SMARCAL1: variants seen among roughly 807,000 people sequenced by gnomAD.
SMARCAL1 encodes the protein ATP-driven annealing helicase.
Under a neutral mutation model 94.5 loss-of-function variants are expected in SMARCAL1, and 58 were observed. That is an observed-to-expected ratio of 0.61 (90% confidence interval 0.50 to 0.76). The LOEUF (loss-of-function observed/expected upper bound fraction) is 0.76. SMARCAL1 is among the 30% of genes least tolerant of loss of function. The probability of loss-of-function intolerance (pLI) is 0.00; values close to 1 mark genes in which losing one functional copy is unlikely to be tolerated. For synonymous variants in SMARCAL1, 422 were observed against 455.1 expected (o/e 0.93, Z 0.93); for missense variants, 1,051 against 1,177.9 (o/e 0.89, Z 1.58).
At chr2:216,451,128 G>T (rs1694442124) in intron 12 of SMARCAL1, 64 bp downstream of exon 12, 2 of 1,359,720 alleles carry the variant, frequency 1.5e-6, no homozygotes, top group Non-Finnish European at 2.1e-6. Context: ...TCCATGAGAG[G>T]CCCTTGAAAA....
At chr2:216,465,700 T>G (rs982888245) in intron 13 of SMARCAL1, among the ~76,000 whole-genome samples, 2 of 152,168 alleles carry the variant, frequency 1.3e-5, no homozygotes, top group Non-Finnish European at 2.9e-5. Context: ...TTTTTTTTTT[T>G]GTTTAACATT....
intron 14 of SMARCAL1, among the ~76,000 whole-genome samples, chr2:216,471,445 C>T (rs1157473012): frequency 6.6e-6 from 1 of 151,968 alleles, no homozygotes; most frequent in East Asian, 1.9e-4. Context: ...CAACCTTCGC[C>T]TCCTGGCTTC....
chr2:216,480,972 G>A (rs959128972), intron 17 of SMARCAL1, among the ~76,000 whole-genome samples: 2 of 152,156 alleles, frequency 1.3e-5, no homozygotes, highest in African/African-American at 4.8e-5. Flanking sequence ...AATCCATGCA[G>A]TACCAAGTGA....
Position 216,416,795 on chromosome 2 carries a change from C to T in SMARCAL1, c.862+488C>T, listed in dbSNP as rs112771557. ...AGGAAGGTAACAGTTCAGCAAACAG[C>T]ACAGATCCTCAGAGTACTCTCTGTG... On this transcript the variant is annotated intron_variant, in intron 4 of 17. Coordinates refer to ENST00000357276, the MANE Select transcript of SMARCAL1 (RefSeq NM_014140.4). Among the ~76,000 whole-genome samples the T allele has an allele frequency of 2.4e-3, 362 of 152,336 alleles. 4 individuals carry two copies. The highest frequency in any genetic ancestry group is 8.4e-3 in the African/African-American group (351 of 41,582).
At chr2:216,470,820 T>G (rs1694947578) in intron 14 of SMARCAL1, among the ~76,000 whole-genome samples, 1 of 119,440 alleles carries the variant, frequency 8.4e-6, no homozygotes, top group Non-Finnish European at 1.6e-5. Flanking sequence ...CTTTATACTG[T>G]TACTCCCAAG....
intron 17 of SMARCAL1, among the ~76,000 whole-genome samples, chr2:216,480,809 G>A (rs1484381425): frequency 1.3e-5 from 2 of 152,216 alleles, no homozygotes; most frequent in South Asian, 2.1e-4. Context: ...GGGAGCAACT[G>A]TAGACTTGAT....
chr2:216,434,843 A>C (rs1235687342), intron 8 of SMARCAL1, among the ~76,000 whole-genome samples: 2 of 134,542 alleles, frequency 1.5e-5, no homozygotes, highest in Admixed American at 7.9e-5. Flanking sequence ...AGACCAACAC[A>C]ACTCTCTATT....
intron 4 of SMARCAL1, among the ~76,000 whole-genome samples, chr2:216,417,563 T>C (rs938742123): frequency 3.9e-5 from 6 of 152,210 alleles, no homozygotes; most frequent in Non-Finnish European, 8.8e-5. Flanking sequence ...GTGACCTCAT[T>C]TAACTTATTA....
At position 216,415,401 on chromosome 2, in the gene SMARCAL1, G is replaced by C; in HGVS notation, c.697G>C (p.Gly233Arg). 1 of 1,614,236 alleles carries C rather than the reference G, an allele frequency of 6.2e-7. No homozygotes were observed. The highest frequency in any genetic ancestry group is 8.5e-7 in the Non-Finnish European group (1 of 1,180,044). ...GAAGTCAGGGTCCTCAGTCCAAAAA[G>C]GAGTGAACTCTCAGAAGGGAAAGTG... ...QQKSGSSVQK[G>R]VNSQKGKCVR... Residue 233 changes from glycine to arginine, a missense_variant, in exon 3 of 18, where the codon GGA becomes CGA. Gly to Arg is a moderately radical substitution (Grantham distance 125). Coordinates refer to ENST00000357276, the MANE Select transcript of SMARCAL1 (RefSeq NM_014140.4).
At chr2:216,431,054 A>G (rs528727909) in intron 7 of SMARCAL1, among the ~76,000 whole-genome samples, 1 of 152,308 alleles carries the variant, frequency 6.6e-6, no homozygotes, top group Admixed American at 6.5e-5. Context: ...GGGCTTTGGG[A>G]AGGGCTGCCC....
chr2:216,436,188 C>T (rs537244146), intron 9 of SMARCAL1, among the ~76,000 whole-genome samples: 3 of 152,310 alleles, frequency 2.0e-5, no homozygotes, highest in Admixed American at 6.5e-5. Context: ...AAGCTAGTCT[C>T]GAACTCCTGA....
rs1355588127 is a variant in SMARCAL1 at position 216,482,976 on chromosome 2, A to AAAAGGGGC, written c.*3_*10dup. The AAAAGGGGC allele has an allele frequency of 6.2e-7, 1 of 1,612,236 alleles. No individual in the cohort carries two copies. The highest frequency in any genetic ancestry group is 2.2e-5 in the East Asian group (1 of 44,894). ...TGGGACAGCTTTACGTCTCCCCTGT[A>AAAAGGGGC]AAAGGGGCAAAAAGAAAAAAATAAA... On this transcript the variant is annotated frameshift_variant and stop_retained_variant, in exon 18 of 18. Coordinates refer to ENST00000357276, the MANE Select transcript of SMARCAL1 (RefSeq NM_014140.4). LOFTEE classifies it high-confidence loss of function. This position sits in a 1 kb window ranked among gnomAD's most constrained non-coding sequence, Gnocchi z 4.3.
At position 216,432,751 on chromosome 2, in the gene SMARCAL1, C is replaced by G. The variant is rs754695954; in HGVS notation, c.1368C>G (p.Leu456=). Reference sequence around the variant, plus strand: ...TAGCCAAAGGAGGCCGCCTGCTGCTCGCTGACGACATGGGCCTGGGGAAGA... The same window carrying G: ...TAGCCAAAGGAGGCCGCCTGCTGCTGGCTGACGACATGGGCCTGGGGAAGA... ...FAIAKGGRLL[L]ADDMGLGKTI... The change falls in exon 8 of 18, where the codon CTC becomes CTG. Residue 456 remains leucine (L), a synonymous_variant. Transcript: ENST00000357276. The G allele has an allele frequency of 1.2e-6, 2 of 1,614,168 alleles. No homozygotes were observed. The highest frequency in any genetic ancestry group is 2.2e-5 in the East Asian group (1 of 44,868).
chr2:216,447,317 C>T (rs1694340740), intron 11 of SMARCAL1, among the ~76,000 whole-genome samples, 159 bp downstream of exon 11: 1 of 152,064 alleles, frequency 6.6e-6, no homozygotes, highest in African/African-American at 2.4e-5. Context: ...TTGGAATGAC[C>T]TCAGGGGTAA....
At chr2:216,451,142 C>A in intron 12 of SMARCAL1, 78 bp downstream of exon 12, 1 of 1,158,118 alleles carries the variant, frequency 8.6e-7, no homozygotes, top group Non-Finnish European at 1.3e-6. Flanking sequence ...TTGAAAATGA[C>A]CTGGCATTCT....
intron 9 of SMARCAL1, among the ~76,000 whole-genome samples, chr2:216,436,096 G>A (rs1694076202): frequency 6.6e-6 from 1 of 152,186 alleles, no homozygotes; most frequent in Admixed American, 6.5e-5. Flanking sequence ...AGCTCCCCAA[G>A]TAGCTGGGAT....
At chr2:216,463,845 C>T (rs1267720083) in intron 12 of SMARCAL1, among the ~76,000 whole-genome samples, 3 of 152,174 alleles carry the variant, frequency 2.0e-5, no homozygotes, top group African/African-American at 7.2e-5. Flanking sequence ...AAGTTCGAGA[C>T]CAGCCTGGCC....
intron 14 of SMARCAL1, among the ~76,000 whole-genome samples, chr2:216,473,641 T>C (rs889959981): frequency 6.6e-6 from 1 of 152,112 alleles, no homozygotes; most frequent in Admixed American, 6.6e-5. Flanking sequence ...GAAAACAGGA[T>C]ATAAAACTTT....
At chr2:216,422,928 G>T (rs1350063710) in intron 5 of SMARCAL1, among the ~76,000 whole-genome samples, 1 of 152,234 alleles carries the variant, frequency 6.6e-6, no homozygotes, top group Non-Finnish European at 1.5e-5. Context: ...ATTAGCAGAT[G>T]ATGTAATAAT....
Sources: gnomAD v4.1 joint callset for allele counts (sites outside exome capture counted in the v4.1 genomes callset) on GRCh38, gnomAD v4.1.1 for gene constraint, Gnocchi (gnomAD v3.1) non-coding constraint, MANE v1.5 for transcripts, NCBI Gene and HGNC (gene_info 2026-07-23, HGNC 2026-07-21) for gene names.